The following C8orf34 variants were observed in gnomAD, a reference collection of about 807,000 sequenced individuals.
The protein encoded by C8orf34 is uncharacterized protein C8orf34.
A neutral mutation model predicts 68.3 loss-of-function variants in C8orf34; 65 were observed. The observed-to-expected ratio is 0.95, with a 90% CI of 0.78 to 1.17. C8orf34 has a LOEUF of 1.17. Among genes scored for constraint, C8orf34 ranks in the 50% most tolerant of loss-of-function variants. The pLI, the probability that C8orf34 is intolerant of heterozygous loss-of-function variation, is 0.00. For synonymous variants in C8orf34, 244 were observed against 241.2 expected, an observed-to-expected ratio of 1.01 and a Z score of -0.11; for missense variants, 664 against 655.4, an observed-to-expected ratio of 1.01 and a Z score of -0.14.
chr8:68,584,570 C>T (rs905863462), intron 7 of C8orf34, among the ~76,000 whole-genome samples: 13 of 152,184 alleles, frequency 8.5e-5, no homozygotes, highest in African/African-American at 3.1e-4. Context: ...AGAGCAAATG[C>T]ACCACAAAGG....
At chr8:68,464,524 G>A (rs921624342) in intron 3 of C8orf34, among the ~76,000 whole-genome samples, 6 of 151,972 alleles carry the variant, frequency 3.9e-5, no homozygotes, top group African/African-American at 1.2e-4. Context: ...AAAGCTGGAG[G>A]CATCACGCTA....
intron 10 of C8orf34, among the ~76,000 whole-genome samples, chr8:68,762,930 G>T (rs188994815): frequency 6.6e-5 from 10 of 152,232 alleles, no homozygotes; most frequent in Admixed American, 5.9e-4. Flanking sequence ...GAACATCATC[G>T]CAGGGCCCAC....
chr8:68,567,961 A>G (rs1816645881), intron 7 of C8orf34, among the ~76,000 whole-genome samples: 1 of 151,470 alleles, frequency 6.6e-6, no homozygotes, highest in Non-Finnish European at 1.5e-5. Context: ...TTGAATACTT[A>G]GAGGCCATTG....
chr8:68,405,157 G>C (rs984631053), intron 1 of C8orf34, among the ~76,000 whole-genome samples: 1 of 152,140 alleles, frequency 6.6e-6, no homozygotes, highest in African/African-American at 2.4e-5. Context: ...TTCTTAAGAT[G>C]GTTTGATGAT....
chr8:68,810,417 A>G (rs995057819), intron 12 of C8orf34, among the ~76,000 whole-genome samples: 1 of 152,180 alleles, frequency 6.6e-6, no homozygotes, highest in Non-Finnish European at 1.5e-5. Context: ...GCCAGGAACC[A>G]CAGAGCCCCA....
intron 9 of C8orf34, among the ~76,000 whole-genome samples, chr8:68,710,170 A>G (rs971956263): frequency 6.6e-6 from 1 of 152,154 alleles, no homozygotes; most frequent in Non-Finnish European, 1.5e-5. Context: ...GCATGTAGAA[A>G]CTCACATCGT....
chr8:68,565,673 G>A (rs1475971015), intron 7 of C8orf34, among the ~76,000 whole-genome samples: 1 of 152,142 alleles, frequency 6.6e-6, no homozygotes, highest in Non-Finnish European at 1.5e-5. Flanking sequence ...GATGGAGTGT[G>A]CAAAATTCAT....
At chr8:68,650,373 G>C (rs1386523477) in intron 8 of C8orf34, among the ~76,000 whole-genome samples, 1 of 152,052 alleles carries the variant, frequency 6.6e-6, no homozygotes, top group Non-Finnish European at 1.5e-5. Flanking sequence ...TTTTATAAAT[G>C]AGTTTGAGGG....
At chr8:68,510,683 A>C (rs947118837) in intron 5 of C8orf34, among the ~76,000 whole-genome samples, 1 of 152,216 alleles carries the variant, frequency 6.6e-6, no homozygotes, top group Non-Finnish European at 1.5e-5. Context: ...ATAGACTTTA[A>C]TCTTATACTT....
chr8:68,610,860 G>T (rs60161719), intron 7 of C8orf34, among the ~76,000 whole-genome samples: 38,816 of 140,982 alleles, frequency 0.28, 6,675 homozygotes, highest in African/African-American at 0.52. Flanking sequence ...GTGAATCTTT[G>T]GTTTTTTTTT....
At chr8:68,522,092 T>A in intron 6 of C8orf34, 121 bp downstream of exon 6, 1 of 839,748 alleles carries the variant, frequency 1.2e-6, no homozygotes, top group Non-Finnish European at 1.8e-6. Flanking sequence ...AAAATTATGT[T>A]AGTCTATACA....
chr8:68,572,587 T>C (rs932607539), intron 7 of C8orf34, among the ~76,000 whole-genome samples: 5 of 151,990 alleles, frequency 3.3e-5, no homozygotes, highest in African/African-American at 1.2e-4. Flanking sequence ...TCCATATCAT[T>C]TTGATCAGTG....
At chr8:68,776,374 A>G (rs780226490) in intron 10 of C8orf34, 25 bp from the exon 11 acceptor site, 2 of 1,596,688 alleles carry the variant, frequency 1.3e-6, no homozygotes, top group South Asian at 2.2e-5. Context: ...TGACCTTTTC[A>G]ACCTCTCTTC....
rs556435042 is a variant in C8orf34, at chr8:68,690,575, A to G, written c.1242-18419A>G. ...AGTACTCACATGATGAATGGGGTCAACAGTTCCCTTCCACCTCTTCTATAA... is the reference window on the plus strand; with the variant it reads ...AGTACTCACATGATGAATGGGGTCAGCAGTTCCCTTCCACCTCTTCTATAA... On this transcript the variant is annotated intron_variant, in intron 8 of 13. Transcript: ENST00000518698. Among the ~76,000 whole-genome samples, 33 of 152,076 alleles carry G rather than the reference A, an allele frequency of 2.2e-4. No individual in the cohort carries two copies. In the South Asian group the frequency reaches 6.6e-3, roughly 31 times the overall value.
chr8:68,659,472 T>C (rs1194797397), intron 8 of C8orf34, among the ~76,000 whole-genome samples: 1 of 152,170 alleles, frequency 6.6e-6, no homozygotes, highest in African/African-American at 2.4e-5. Flanking sequence ...TTTTCTTGAA[T>C]TGATCATAGT....
chr8:68,613,375 G>A (rs1301161494), intron 7 of C8orf34, among the ~76,000 whole-genome samples: 1 of 151,958 alleles, frequency 6.6e-6, no homozygotes, highest in Non-Finnish European at 1.5e-5. Flanking sequence ...CATGTGCCAT[G>A]CTGGTGTGTT....
chr8:68,443,815 G>A (rs901639292), intron 2 of C8orf34, among the ~76,000 whole-genome samples: 1 of 152,046 alleles, frequency 6.6e-6, no homozygotes, highest in African/African-American at 2.4e-5. Flanking sequence ...AATATATTTA[G>A]CAACATGGGA....
intron 7 of C8orf34, among the ~76,000 whole-genome samples, chr8:68,554,183 G>A (rs1241461612): frequency 6.6e-6 from 1 of 152,114 alleles, no homozygotes; most frequent in Non-Finnish European, 1.5e-5. Flanking sequence ...AGTTTGAGAT[G>A]TATGTTATAC....
At chr8:68,402,525 T>C (rs1170895671) in intron 1 of C8orf34, among the ~76,000 whole-genome samples, 2 of 152,166 alleles carry the variant, frequency 1.3e-5, no homozygotes, top group Non-Finnish European at 2.9e-5. Flanking sequence ...TCCTACTTTT[T>C]TGATGTAGGC....
Sources: allele counts gnomAD v4.1 joint callset (sites outside exome capture counted in the v4.1 genomes callset), GRCh38; gene constraint gnomAD v4.1.1; transcripts MANE v1.5; gene names NCBI Gene and HGNC (gene_info 2026-07-23, HGNC 2026-07-21).